Variants in DPP10 observed in about 807,000 individuals in gnomAD.
DPP10 encodes the protein inactive dipeptidyl peptidase 10.
In DPP10, 33 loss-of-function variants were observed where a neutral mutation model predicts 120.9. The observed-to-expected ratio is 0.27, with a 90% CI of 0.21 to 0.37. The LOEUF (loss-of-function observed/expected upper bound fraction) is 0.37, where lower values mean the gene tolerates loss of function less well. Ranked by LOEUF, DPP10 falls within the 10% of genes least tolerant of loss-of-function variation. The pLI, the probability that DPP10 is intolerant of heterozygous loss-of-function variation, is 1.00. For missense variants in DPP10, 816 were observed against 942.8 expected, an observed-to-expected ratio of 0.87 and a Z score of 1.76; for synonymous variants, 337 against 326.1, an observed-to-expected ratio of 1.03 and a Z score of -0.36.
intron 1 of DPP10, among the ~76,000 whole-genome samples, chr2:114,919,036 CA>C (rs10559818): frequency 0.42 from 51,550 of 124,208 alleles, 10,096 homozygotes; most frequent in East Asian, 0.57. Context: ...AAAGAGATTC[CA>C]AAAAAAAAAA....
chr2:114,921,130 G>A (rs969352185), intron 1 of DPP10, among the ~76,000 whole-genome samples: 1 of 152,060 alleles, frequency 6.6e-6, no homozygotes, highest in Admixed American at 6.6e-5. Context: ...AATCCACCAG[G>A]GCTTCGAACA....
intron 1 of DPP10, among the ~76,000 whole-genome samples, chr2:114,529,718 G>A (rs569771722): frequency 2.0e-5 from 3 of 152,222 alleles, no homozygotes; most frequent in African/African-American, 7.2e-5. Context: ...TAGATGTGCA[G>A]GATGTGCAGG....
intron 1 of DPP10, among the ~76,000 whole-genome samples, chr2:114,555,672 A>G (rs1485937473): frequency 2.0e-5 from 3 of 152,188 alleles, no homozygotes; most frequent in Non-Finnish European, 4.4e-5. Context: ...TTCAGCAAGA[A>G]GAGACAAAGA....
At chr2:115,644,336 C>T (rs1282361297) in intron 5 of DPP10, among the ~76,000 whole-genome samples, 3 of 152,060 alleles carry the variant, frequency 2.0e-5, no homozygotes, top group Non-Finnish European at 4.4e-5. Context: ...CAACAGGCCC[C>T]GGTGTGTGAT....
At chr2:114,900,365 T>C (rs1406763579) in intron 1 of DPP10, among the ~76,000 whole-genome samples, 2 of 152,246 alleles carry the variant, frequency 1.3e-5, no homozygotes, top group Non-Finnish European at 2.9e-5. Flanking sequence ...CAACAGATTA[T>C]GAGTAAACCA....
intron 8 of DPP10, among the ~76,000 whole-genome samples, chr2:115,733,679 T>C (rs2092964371): frequency 6.6e-6 from 1 of 151,762 alleles, no homozygotes; most frequent in African/African-American, 2.4e-5. Flanking sequence ...AAACTAAAAA[T>C]GGAAAAAATC....
intron 16 of DPP10, among the ~76,000 whole-genome samples, chr2:115,781,677 C>G (rs1682780018): frequency 6.6e-6 from 1 of 151,510 alleles, no homozygotes; most frequent in Non-Finnish European, 1.5e-5. Flanking sequence ...AGAGATATAC[C>G]AAGACTTACT....
chr2:114,748,362 T>TTTA (rs1200399708), intron 1 of DPP10, among the ~76,000 whole-genome samples: 4 of 124,730 alleles, frequency 3.2e-5, no homozygotes, highest in African/African-American at 3.4e-5. Flanking sequence ...TTTTTTTTTA[T>TTTA]TTTATTTATT....
intron 5 of DPP10, among the ~76,000 whole-genome samples, chr2:115,583,370 C>G (rs1056114028): frequency 6.6e-6 from 1 of 152,184 alleles, no homozygotes; most frequent in South Asian, 2.1e-4. Flanking sequence ...TTGTCTTCCA[C>G]TGGATATTAA....
At chr2:115,313,440 G>C (rs2061664234) in intron 2 of DPP10, among the ~76,000 whole-genome samples, 1 of 152,074 alleles carries the variant, frequency 6.6e-6, no homozygotes, top group Non-Finnish European at 1.5e-5. Context: ...GCCTTGTTTA[G>C]TGACAAATAT....
intron 1 of DPP10, among the ~76,000 whole-genome samples, chr2:114,470,287 A>G (rs556076581): frequency 1.2e-3 from 186 of 152,340 alleles, no homozygotes; most frequent in Non-Finnish European, 2.1e-3. Context: ...TTAAGACACT[A>G]GTTCCCAGTA....
intron 1 of DPP10, among the ~76,000 whole-genome samples, chr2:115,109,758 G>T (rs2104671892): frequency 6.6e-6 from 1 of 152,272 alleles, no homozygotes; most frequent in South Asian, 2.1e-4. Context: ...AGCATATTTG[G>T]TTGTCACAAA....
intron 4 of DPP10, 139 bp downstream of exon 4, chr2:115,499,743 A>C: frequency 2.0e-6 from 1 of 507,332 alleles, no homozygotes; most frequent in South Asian, 3.8e-5. Flanking sequence ...ATATCATAAG[A>C]ATCAGTAAAT....
At chr2:115,326,831 A>G (rs1224144575) in intron 2 of DPP10, among the ~76,000 whole-genome samples, 2 of 152,128 alleles carry the variant, frequency 1.3e-5, no homozygotes, top group Non-Finnish European at 2.9e-5. Context: ...AAAAGTGTCA[A>G]TGATGAAAAA....
chr2:114,771,097 AAT>A (rs1413299878), intron 1 of DPP10, among the ~76,000 whole-genome samples: 1 of 152,240 alleles, frequency 6.6e-6, no homozygotes. Context: ...ATTCATTTAG[AAT>A]ATGTTAAGAA....
At chr2:114,826,721 G>T (rs900412172) in intron 1 of DPP10, among the ~76,000 whole-genome samples, 19 of 152,038 alleles carry the variant, frequency 1.2e-4, no homozygotes, top group African/African-American at 4.4e-4. Flanking sequence ...AGTAGAGATG[G>T]GGTTCACCAT....
At chr2:115,272,411 A>G (rs1000367868) in intron 1 of DPP10, among the ~76,000 whole-genome samples, 4 of 152,218 alleles carry the variant, frequency 2.6e-5, no homozygotes, top group African/African-American at 9.6e-5. Context: ...GACCTAGGAT[A>G]TATGAATTCT....
At chr2:115,382,397 A>G (rs542154425) in intron 3 of DPP10, among the ~76,000 whole-genome samples, 10 of 152,302 alleles carry the variant, frequency 6.6e-5, no homozygotes, top group Admixed American at 5.2e-4. Flanking sequence ...GAGTGAGGCA[A>G]TGCCTCGCCC....
rs184945503 is a variant in DPP10, at chr2:115,692,690, G to C, written c.576+2769G>C. On this transcript the variant is annotated intron_variant, in intron 7 of 25. Coordinates refer to ENST00000410059, the MANE Select transcript of DPP10 (RefSeq NM_020868.6). ...ACAACAGCTGGTTGGGCTGAGTTAA[G>C]TTTTTAATTTCCTGCAAGCCTCAAT... is the stretch of plus-strand genomic sequence containing the variant. 4.4e-3 allele frequency among the ~76,000 whole-genome samples: 667 copies of C among 152,070 alleles called. 4 individuals are homozygous for C. Among genetic ancestry groups the C allele is most frequent in the African/African-American group, 0.016 (644 of 41,500 alleles).
Sources: gnomAD v4.1 joint callset for allele counts (sites outside exome capture counted in the v4.1 genomes callset) on GRCh38, gnomAD v4.1.1 for gene constraint, MANE v1.5 for transcripts, NCBI Gene and HGNC (gene_info 2026-07-23, HGNC 2026-07-21) for gene names.